MATCAP2: variants seen among roughly 807,000 people sequenced by gnomAD.
MATCAP2 encodes microtubule associated tyrosine carboxypeptidase 2.
the MATCAP2 span, chr7:36,366,996 C>A: frequency 7.6e-7 from 1 of 1,315,878 alleles, no homozygotes; most frequent in Non-Finnish European, 9.6e-7. Context: ...AAGGGCCGCG[C>A]AGGGGCGGGC....
the MATCAP2 span, among the ~76,000 whole-genome samples, chr7:36,379,875 GAATAT>G: frequency 1.4e-5 from 2 of 148,102 alleles, no homozygotes; most frequent in South Asian, 2.2e-4. Context: ...GAGAGAGAGA[GAATAT>G]AAAGCCAATA....
At chr7:36,382,610 A>G in the MATCAP2 span, among the ~76,000 whole-genome samples, 4 of 151,950 alleles carry the variant, frequency 2.6e-5, no homozygotes, top group African/African-American at 9.7e-5. Flanking sequence ...CTCCTGCCTC[A>G]GCCTTCCAAG....
the MATCAP2 span, among the ~76,000 whole-genome samples, chr7:36,337,104 A>AAAAAAAAAAAAAAAAAAAAAAC: frequency 7.4e-6 from 1 of 136,000 alleles, no homozygotes; most frequent in Non-Finnish European, 1.6e-5. Flanking sequence ...ATCTCAAAAA[A>AAAAAAAAAAAAAAAAAAAAAAC]AAAAAAAAAA....
chr7:36,357,586 C>A, the MATCAP2 span: 2 of 1,597,558 alleles, frequency 1.3e-6, no homozygotes, highest in Admixed American at 1.7e-5. Context: ...GCCAGTGAAG[C>A]TTTTCTGTGT....
At chr7:36,334,987 AT>A in the MATCAP2 span, 2 of 1,490,932 alleles carry the variant, frequency 1.3e-6, no homozygotes, top group Non-Finnish European at 1.8e-6. Context: ...CTAAAAGAAC[AT>A]TTCTTTAGAG....
the MATCAP2 span, among the ~76,000 whole-genome samples, chr7:36,384,880 A>G: frequency 2.6e-5 from 4 of 152,090 alleles, no homozygotes; most frequent in African/African-American, 7.2e-5. Context: ...AAAAAAAAGG[A>G]AAGTATTGTG....
the MATCAP2 span, among the ~76,000 whole-genome samples, chr7:36,337,376 T>A: frequency 6.6e-6 from 1 of 152,132 alleles, no homozygotes; most frequent in Admixed American, 6.5e-5. Context: ...ATTATCAGTA[T>A]CTATGGGAAA....
the MATCAP2 span, chr7:36,357,706 C>G: frequency 1.3e-6 from 1 of 759,710 alleles, no homozygotes. Context: ...TTGCAGTAAT[C>G]ATTAGAAAAA....
chr7:36,325,904 C>A, the MATCAP2 span: 1 of 151,742 alleles, frequency 6.6e-6, no homozygotes, highest in African/African-American at 2.4e-5. Flanking sequence ...ACATCCAGAA[C>A]CTACGTTTAA....
chr7:36,330,780 T>A, the MATCAP2 span, among the ~76,000 whole-genome samples: 1 of 152,216 alleles, frequency 6.6e-6, no homozygotes, highest in Non-Finnish European at 1.5e-5. Context: ...TATTCCTTTA[T>A]CTCTTATTGA....
At chr7:36,386,015 T>C in the MATCAP2 span, among the ~76,000 whole-genome samples, 1 of 151,456 alleles carries the variant, frequency 6.6e-6, no homozygotes, top group South Asian at 2.1e-4. Context: ...ATTAGCCAGA[T>C]TTGGTGGCAT....
the MATCAP2 span, among the ~76,000 whole-genome samples, chr7:36,334,430 G>GAGGCTGAGGTGAAGAGGATCACTTA: frequency 6.7e-6 from 1 of 150,032 alleles, no homozygotes; most frequent in Admixed American, 6.8e-5. Flanking sequence ...AGCTACTCAG[G>GAGGCTGAGGTGAAGAGGATCACTTA]AGGCTGAGGT....
At chr7:36,367,144 C>G in the MATCAP2 span, 1 of 1,220,790 alleles carries the variant, frequency 8.2e-7, no homozygotes, top group Non-Finnish European at 1.0e-6. Flanking sequence ...TCCACCAGCC[C>G]GTAGCTACTG....
chr7:36,361,345 A>T, the MATCAP2 span, among the ~76,000 whole-genome samples: 1 of 152,188 alleles, frequency 6.6e-6, no homozygotes, highest in Admixed American at 6.5e-5. Context: ...GTTTCATAGT[A>T]ATCAGGAGGT....
chr7:36,371,010 G>C, the MATCAP2 span, among the ~76,000 whole-genome samples: 1 of 152,128 alleles, frequency 6.6e-6, no homozygotes, highest in Non-Finnish European at 1.5e-5. Flanking sequence ...TTTAATTTTA[G>C]ATTTAAAATA....
chr7:36,328,035 G>C, the MATCAP2 span, among the ~76,000 whole-genome samples: 3 of 151,968 alleles, frequency 2.0e-5, no homozygotes, highest in Non-Finnish European at 4.4e-5. Flanking sequence ...TAGGTTTAAG[G>C]ATGAAGCTTT....
At chr7:36,332,372 A>G in the MATCAP2 span, among the ~76,000 whole-genome samples, 1 of 152,196 alleles carries the variant, frequency 6.6e-6, no homozygotes, top group African/African-American at 2.4e-5. Context: ...ATTTTCTTCT[A>G]AGAGTATTGA....
chr7:36,330,572 A>G, the MATCAP2 span, among the ~76,000 whole-genome samples: 1 of 152,224 alleles, frequency 6.6e-6, no homozygotes, highest in Non-Finnish European at 1.5e-5. Flanking sequence ...GAAAATTTGA[A>G]GTGGACTCTA....
At chr7:36,342,462 C>T in the MATCAP2 span, among the ~76,000 whole-genome samples, 2,716 of 152,230 alleles carry the variant, frequency 0.018, 72 homozygotes, top group African/African-American at 0.062. Flanking sequence ...ACCACATGAA[C>T]GTTTAGCAGG....
Sources: allele counts gnomAD v4.1 joint callset (sites outside exome capture counted in the v4.1 genomes callset), GRCh38; gene constraint gnomAD v4.1.1; transcripts MANE v1.5; gene names NCBI Gene and HGNC (gene_info 2026-07-23, HGNC 2026-07-21).